Variants in ERC2 observed in about 807,000 individuals in gnomAD.
ERC2 encodes the protein ELKS/RAB6-interacting/CAST family member 2.
Under a neutral mutation model 114.8 loss-of-function variants are expected in ERC2, and 42 were observed. That is an observed-to-expected ratio of 0.37 (90% confidence interval 0.29 to 0.47). ERC2 has a LOEUF of 0.47. Ranked by LOEUF, ERC2 falls within the 20% of genes least tolerant of loss-of-function variation. The pLI is 0.99. For synonymous variants in ERC2, 454 were observed against 425.5 expected, an observed-to-expected ratio of 1.07 and a Z score of -0.82; for missense variants, 939 against 1,150.7, an observed-to-expected ratio of 0.82 and a Z score of 2.66.
chr3:55,513,016 C>A (rs2052204537), intron 17 of ERC2, among the ~76,000 whole-genome samples: 1 of 152,202 alleles, frequency 6.6e-6, no homozygotes, highest in Non-Finnish European at 1.5e-5. Flanking sequence ...CAGCAATGAG[C>A]CAATCTGGGC....
intron 2 of ERC2, among the ~76,000 whole-genome samples, chr3:56,422,606 C>T (rs917367921): frequency 6.6e-6 from 1 of 152,196 alleles, no homozygotes; most frequent in Non-Finnish European, 1.5e-5. Context: ...GCTGAAGATG[C>T]TGTCAGGCAA....
intron 14 of ERC2, among the ~76,000 whole-genome samples, chr3:55,783,047 G>C (rs1054632457): frequency 6.6e-6 from 1 of 152,208 alleles, no homozygotes; most frequent in Non-Finnish European, 1.5e-5. Context: ...AAGTGCCACA[G>C]AATGGGGCAC....
At chr3:56,294,144 T>C (rs1312802927) in intron 3 of ERC2, among the ~76,000 whole-genome samples, 1 of 152,264 alleles carries the variant, frequency 6.6e-6, no homozygotes, top group Non-Finnish European at 1.5e-5. Context: ...CCAGTAATTG[T>C]TGCTCCTCTT....
intron 17 of ERC2, among the ~76,000 whole-genome samples, chr3:55,555,921 A>C (rs2055573900): frequency 6.6e-6 from 1 of 152,178 alleles, no homozygotes; most frequent in Admixed American, 6.5e-5. Context: ...ATAATTCCAA[A>C]GTGACTGTAC....
chr3:55,540,701 C>T (rs530740744), intron 17 of ERC2, among the ~76,000 whole-genome samples: 1 of 152,210 alleles, frequency 6.6e-6, no homozygotes, highest in Non-Finnish European at 1.5e-5. Flanking sequence ...CTCAAAGCCA[C>T]ATTCACACAA....
chr3:56,084,999 T>A (rs1027865833), intron 6 of ERC2, among the ~76,000 whole-genome samples: 7 of 151,956 alleles, frequency 4.6e-5, no homozygotes, highest in Admixed American at 6.6e-5. Flanking sequence ...CCTGAGAGGA[T>A]CAGGACAGAT....
intron 17 of ERC2, among the ~76,000 whole-genome samples, chr3:55,600,999 C>T (rs757309815): frequency 2.0e-5 from 3 of 152,198 alleles, no homozygotes; most frequent in Non-Finnish European, 2.9e-5. Context: ...CGCCACAGGC[C>T]CTCTTCTGCA....
rs538067041 is a variant in ERC2, at chr3:55,642,465, G to A, written c.*39+41329C>T. On this transcript the variant is annotated intron_variant, in intron 17 of 17. Coordinates refer to ENST00000288221, the MANE Select transcript of ERC2 (RefSeq NM_015576.3). ...TTCTTGTGCCTCAGCCTCCCAAGTA[G>A]CTGGGACTACAGCATGCACCATCAT... Among the ~76,000 whole-genome samples the A allele has an allele frequency of 4.6e-5, 7 of 151,946 alleles. No homozygotes were observed. In the South Asian group the frequency reaches 1.0e-3, roughly 23 times the overall value.
rs1264867105 is a variant in ERC2 at position 56,080,892 on chromosome 3, T to C, written c.1566A>G (p.Thr522=). 4 of 1,613,802 alleles carry C rather than the reference T, an allele frequency of 2.5e-6. No homozygotes were observed. Among genetic ancestry groups the C allele is most frequent in the African/African-American group, 2.7e-5 (2 of 75,068 alleles). Residue 522 remains threonine, a synonymous_variant, in exon 7 of 18, where the codon ACA becomes ACG. Coordinates refer to ENST00000288221, the MANE Select transcript of ERC2 (RefSeq NM_015576.3). ...QLQDLTEEKG[T]LAGEIRDMKD... ...TCATGTCACGAATTTCACCGGCCAGTGTCCCCTTCTCTTCTGTGAGGTCCT... is the reference window on the plus strand; with the variant it reads ...TCATGTCACGAATTTCACCGGCCAGCGTCCCCTTCTCTTCTGTGAGGTCCT...
intron 14 of ERC2, among the ~76,000 whole-genome samples, chr3:55,821,291 ACCCCAT>A (rs1400854804): frequency 1.3e-5 from 2 of 151,882 alleles, no homozygotes; most frequent in Non-Finnish European, 2.9e-5. Context: ...AACCAAAATG[ACCCCAT>A]CTCTGGCTCG....
At chr3:56,353,804 TAA>T (rs1375542282) in intron 2 of ERC2, among the ~76,000 whole-genome samples, 2 of 26,046 alleles carry the variant, frequency 7.7e-5, no homozygotes, top group Non-Finnish European at 2.8e-4. Context: ...TAACGTATAA[TAA>T]AATATATATA....
intron 7 of ERC2, among the ~76,000 whole-genome samples, chr3:56,022,589 C>A (rs1203701453): frequency 6.6e-6 from 1 of 152,102 alleles, no homozygotes; most frequent in African/African-American, 2.4e-5. Flanking sequence ...CTCATGTTCA[C>A]AAATTGTTAT....
intron 17 of ERC2, among the ~76,000 whole-genome samples, chr3:55,629,304 G>C (rs1022127319): frequency 6.6e-6 from 1 of 152,232 alleles, no homozygotes; most frequent in Admixed American, 6.5e-5. Context: ...ATGAACTCTA[G>C]AAGGCTTAAG....
At chr3:56,193,050 T>C (rs563982336) in intron 3 of ERC2, among the ~76,000 whole-genome samples, 28 of 152,266 alleles carry the variant, frequency 1.8e-4, no homozygotes, top group African/African-American at 6.7e-4. Context: ...TTAATCAATT[T>C]ACAAAACAGG....
chr3:56,020,262 T>C (rs80061562), intron 7 of ERC2, among the ~76,000 whole-genome samples: 6,051 of 152,234 alleles, frequency 0.04, 388 homozygotes, highest in African/African-American at 0.14. Context: ...CTAACAAAGA[T>C]GAAATTTTTT....
chr3:55,890,645 A>G (rs2063555906), intron 13 of ERC2, among the ~76,000 whole-genome samples: 1 of 152,238 alleles, frequency 6.6e-6, no homozygotes. Flanking sequence ...TTCAGCAAGA[A>G]GCACATGGAG....
At chr3:55,814,163 T>C (rs2059823337) in intron 14 of ERC2, among the ~76,000 whole-genome samples, 2 of 152,324 alleles carry the variant, frequency 1.3e-5, no homozygotes, top group Middle Eastern at 3.4e-3. Context: ...AATCAAAAAC[T>C]CTTTCCAGGA....
At chr3:56,448,899 C>T (rs762349544) in intron 1 of ERC2, among the ~76,000 whole-genome samples, 1 of 151,984 alleles carries the variant, frequency 6.6e-6, no homozygotes, top group African/African-American at 2.4e-5. Context: ...CACGGTGAAA[C>T]CCCATCTCTA....
chr3:56,064,366 TG>T (rs1164858125), intron 7 of ERC2, among the ~76,000 whole-genome samples: 1 of 152,214 alleles, frequency 6.6e-6, no homozygotes, highest in Non-Finnish European at 1.5e-5. Flanking sequence ...GAGACAGCCT[TG>T]GTGTGTGTAT....
Sources: gnomAD v4.1 joint callset for allele counts (sites outside exome capture counted in the v4.1 genomes callset) on GRCh38, gnomAD v4.1.1 for gene constraint, MANE v1.5 for transcripts, NCBI Gene and HGNC (gene_info 2026-07-23, HGNC 2026-07-21) for gene names.